SLC35E2B: variants seen among roughly 807,000 people sequenced by gnomAD.
SLC35E2B encodes the protein solute carrier family 35, member E2B.
In SLC35E2B, 18 loss-of-function variants were observed where a neutral mutation model predicts 32.4. The ratio of observed to expected loss-of-function variants is 0.56; its 90% CI spans 0.38 to 0.82. The LOEUF (loss-of-function observed/expected upper bound fraction) is 0.82, where lower values mean the gene tolerates loss of function less well. Ranked by LOEUF, SLC35E2B falls within the 40% of genes least tolerant of loss-of-function variation. SLC35E2B has a pLI of 0.00. For missense variants in SLC35E2B, 263 were observed against 469.5 expected (o/e 0.56, Z 4.06); for synonymous variants, 132 against 209.1 (o/e 0.63, Z 3.18).
Position 1,664,783 on chromosome 1 carries a change from C to G in SLC35E2B, c.*999G>C. On this transcript the variant is annotated 3_prime_UTR_variant, in exon 10 of 10. Transcript: ENST00000617444. ...AAGGACGGCGCCCAGGTAAACGCCA[C>G]GTAACCCAAACCATCAACACTGCAG... 9 of 902,000 alleles carry G rather than the reference C, an allele frequency of 1.0e-5. No individual in the cohort carries two copies. The highest frequency in any genetic ancestry group is 1.2e-5 in the Non-Finnish European group (9 of 761,392). 55.9% of individuals were successfully genotyped at this position (902,000 alleles called of 1,614,324 possible).
rs940066033 is a variant in SLC35E2B at position 1,663,594 on chromosome 1, CTGAG to C, written c.*2184_*2187del. The stretch of plus-strand genomic sequence containing the variant: ...CAAACAATTCTCCTGCCTCAGCCTC[CTGAG>C]TATCTGGGATTACAGGCACCCACCA... On this transcript the variant is annotated 3_prime_UTR_variant, in exon 10 of 10. Coordinates refer to ENST00000617444, the MANE Select transcript of SLC35E2B (RefSeq NM_001290264.2). The C allele has an allele frequency of 2.5e-5, 7 of 284,508 alleles. No individual in the cohort carries two copies. The highest frequency in any genetic ancestry group is 1.3e-4 in the South Asian group (1 of 7,970). 17.6% of individuals were successfully genotyped at this position (284,508 alleles called of 1,614,324 possible).
rs1343130489 is a variant in SLC35E2B at position 1,663,409 on chromosome 1, T to C, written c.*2373A>G. On this transcript the variant is annotated 3_prime_UTR_variant, in exon 10 of 10. Transcript: ENST00000617444. ...GACGGGGAGGTGGACAAGGCCACCC[T>C]GGGAGTTGCTTTCAATCTGTCCTCA... 5.3e-6 allele frequency: 5 copies of C among 949,154 alleles called. No homozygotes were observed. Among genetic ancestry groups the C allele is most frequent in the Non-Finnish European group, 6.3e-6 (5 of 797,480 alleles). 58.8% of individuals were successfully genotyped at this position (949,154 alleles called of 1,614,324 possible).
chr1:1,673,066 G>C (rs889502546), intron 5 of SLC35E2B: 1 of 166,246 alleles, frequency 6.0e-6, no homozygotes, highest in South Asian at 1.3e-4. Flanking sequence ...TTTTGTTTAC[G>C]ATTTTTAGGA....
intron 5 of SLC35E2B, chr1:1,671,848 A>C: frequency 2.3e-6 from 1 of 426,826 alleles, no homozygotes; most frequent in African/African-American, 2.1e-5. Flanking sequence ...CTTTCACTCT[A>C]CATGAGATGC....
chr1:1,681,518 CTTTTT>C (rs1019112378), intron 2 of SLC35E2B, among the ~76,000 whole-genome samples: 12 of 148,620 alleles, frequency 8.1e-5, no homozygotes, highest in Non-Finnish European at 1.6e-4. Context: ...CTTTTCTTTT[CTTTTT>C]TGAGAGGGAC....
Position 1,665,623 on chromosome 1 carries a change from T to G in SLC35E2B, c.*159A>C. On this transcript the variant is annotated 3_prime_UTR_variant, in exon 10 of 10. Transcript: ENST00000617444. ...GATACCTGGAATCCCCAGTTTGAGTTTCTGCTGGTCTTCACCGACAAACCG... is the reference window on the plus strand; with the variant it reads ...GATACCTGGAATCCCCAGTTTGAGTGTCTGCTGGTCTTCACCGACAAACCG... 8.5e-7 allele frequency: 1 copy of G among 1,181,082 alleles called. No individual in the cohort carries two copies. The highest frequency in any genetic ancestry group is 1.2e-6 in the Non-Finnish European group (1 of 867,010). 73.2% of individuals were successfully genotyped at this position (1,181,082 alleles called of 1,614,324 possible). A position where few individuals can be genotyped will look rare whatever the true frequency, so the allele number is the denominator to read the frequency against.
intron 9 of SLC35E2B, among the ~76,000 whole-genome samples, chr1:1,666,670 GTCTGTAACCCCAGCAC>G: frequency 2.7e-5 from 4 of 150,456 alleles, no homozygotes; most frequent in East Asian, 2.0e-4. Context: ...GGGGGCTCAT[GTCTGTAACCCCAGCAC>G]TGTGGGAGGC....
Position 1,664,901 on chromosome 1 carries a change from C to T in SLC35E2B, c.*881G>A, listed in dbSNP as rs1158182513. The T allele has an allele frequency of 3.9e-5, 37 of 939,012 alleles. 1 individual carries two copies. Among genetic ancestry groups the T allele is most frequent in the African/African-American group, 7.4e-5 (4 of 54,172 alleles). 58.2% of individuals were successfully genotyped at this position (939,012 alleles called of 1,614,324 possible). ...AGGGAGGACAGACAGGCTCACCCCA[C>T]GGGGACCTCAGAACAGCCTGCCTCA... is the stretch of plus-strand genomic sequence containing the variant. On this transcript the variant is annotated 3_prime_UTR_variant, in exon 10 of 10. Transcript: ENST00000617444.
Position 1,671,520 on chromosome 1 carries a change from G to T in SLC35E2B, c.696C>A (p.Asn232Lys), listed in dbSNP as rs1185989846. The T allele has an allele frequency of 6.5e-7, 1 of 1,541,346 alleles. No individual in the cohort carries two copies. Among genetic ancestry groups the T allele is most frequent in the East Asian group, 2.5e-5 (1 of 39,818 alleles). Residue 232 changes from asparagine to lysine, a missense_variant, in exon 6 of 10, where the codon AAC becomes AAA. By Grantham distance (94) the Asn-to-Lys change is moderately conservative (BLOSUM62 0). Around this residue, in one of 7 missense-constraint regions of SLC35E2B, gnomAD observed 129 missense variants for 164.5 expected, o/e 0.78. Transcript: ENST00000617444. Reference sequence around the variant, plus strand: ...TCTCTGTGACTCACCAGTCCATGATGTTGGTGGACAGTGCGGCCGAGAACC... The same window carrying T: ...TCTCTGTGACTCACCAGTCCATGATTTTGGTGGACAGTGCGGCCGAGAACC... ...VLGFSAALSTNIMDCLQNVFS... is the reference protein window; with the variant it reads ...VLGFSAALSTKIMDCLQNVFS...
At chr1:1,682,359 C>T (rs1378959487) in intron 2 of SLC35E2B, among the ~76,000 whole-genome samples, 1 of 152,074 alleles carries the variant, frequency 6.6e-6, no homozygotes, top group East Asian at 1.9e-4. Context: ...CAAGACAAAG[C>T]AAACACCAAA....
chr1:1,679,669 G>C (rs983195811), intron 2 of SLC35E2B, among the ~76,000 whole-genome samples: 3 of 148,168 alleles, frequency 2.0e-5, no homozygotes, highest in African/African-American at 7.5e-5. Flanking sequence ...TCTACTAAAA[G>C]TACAAAAAAA....
At chr1:1,690,075 A>G (rs1644000640) in intron 2 of SLC35E2B, among the ~76,000 whole-genome samples, 1 of 150,220 alleles carries the variant, frequency 6.7e-6, no homozygotes, top group Admixed American at 6.7e-5. Flanking sequence ...TGAGGTTGGG[A>G]GTTCCAGATC....
chr1:1,669,836 G>A (rs542767929), intron 7 of SLC35E2B, 100 bp from the exon 8 acceptor site: 4 of 1,250,834 alleles, frequency 3.2e-6, no homozygotes, highest in Non-Finnish European at 4.6e-6. Flanking sequence ...CAGCCCAGAA[G>A]ACGTTCATTC....
intron 9 of SLC35E2B, 48 bp from the exon 10 acceptor site, chr1:1,666,067 C>T (rs1557749087): frequency 6.6e-7 from 1 of 1,518,304 alleles, no homozygotes; most frequent in Non-Finnish European, 8.9e-7. Flanking sequence ...CTATGGTCTC[C>T]TCAGCCCGTG....
Position 1,665,004 on chromosome 1 carries a change from G to A in SLC35E2B, c.*778C>T, listed in dbSNP as rs539699867. 1.0e-6 allele frequency: 1 copy of A among 980,242 alleles called. No individual in the cohort carries two copies. The highest frequency in any genetic ancestry group is 4.7e-5 in the South Asian group (1 of 21,150). The allele number at this position is 980,242 out of a possible 1,614,324, so 60.7% of individuals were successfully genotyped here. On this transcript the variant is annotated 3_prime_UTR_variant, in exon 10 of 10. Coordinates refer to ENST00000617444, the MANE Select transcript of SLC35E2B (RefSeq NM_001290264.2). ...CACGAGAGGTTTGTCCTCAACCTCA[G>A]GGCTGGAAACCCCCACAGGTAGGAG...
Position 1,662,483 on chromosome 1 carries a change from A to G in SLC35E2B, c.*3299T>C, listed in dbSNP as rs2101084516. 1 of 768,566 alleles carries G rather than the reference A, an allele frequency of 1.3e-6. No homozygotes were observed. The highest frequency in any genetic ancestry group is 5.6e-5 in the South Asian group (1 of 17,738). The allele number at this position is 768,566 out of a possible 1,614,324, so 47.6% of individuals were successfully genotyped here. Reference sequence around the variant, plus strand: ...ACCGGATTTGGGACAAGGATTTTAAAGGCAGCTACAAAGCTGAGCTCTATT... The same window carrying G: ...ACCGGATTTGGGACAAGGATTTTAAGGGCAGCTACAAAGCTGAGCTCTATT... On this transcript the variant is annotated 3_prime_UTR_variant, in exon 10 of 10. Coordinates refer to ENST00000617444, the MANE Select transcript of SLC35E2B (RefSeq NM_001290264.2).
At chr1:1,687,880 G>A (rs1368849297) in intron 2 of SLC35E2B, among the ~76,000 whole-genome samples, 5 of 152,060 alleles carry the variant, frequency 3.3e-5, no homozygotes, top group African/African-American at 1.2e-4. Context: ...GGCAAAGAGC[G>A]AGACTGTCTA....
chr1:1,679,584 TG>T (rs1414758734), intron 2 of SLC35E2B, among the ~76,000 whole-genome samples: 1 of 151,982 alleles, frequency 6.6e-6, no homozygotes, highest in Non-Finnish European at 1.5e-5. Context: ...CCCAGCACTT[TG>T]GGAGGCCAAG....
chr1:1,666,553 T>C (rs1643550026), intron 9 of SLC35E2B, among the ~76,000 whole-genome samples: 1 of 152,158 alleles, frequency 6.6e-6, no homozygotes, highest in Non-Finnish European at 1.5e-5. Context: ...ATTACAGGTA[T>C]CATGACATCT....
Sources: allele counts gnomAD v4.1 joint callset (sites outside exome capture counted in the v4.1 genomes callset), GRCh38; gene constraint gnomAD v4.1.1; regional missense constraint gnomAD v4.1.1; transcripts MANE v1.5; gene names NCBI Gene and HGNC (gene_info 2026-07-23, HGNC 2026-07-21).